The following KDM6A variants were observed in gnomAD, a reference collection of about 807,000 sequenced individuals.
KDM6A encodes the protein lysine demethylase 6A, also known as lysine-specific demethylase 6A.
Under a neutral mutation model 117.6 loss-of-function variants are expected in KDM6A, and 11 were observed. The ratio of observed to expected loss-of-function variants is 0.09; its 90% CI spans 0.06 to 0.15. The LOEUF (loss-of-function observed/expected upper bound fraction) is 0.15, where lower values mean the gene tolerates loss of function less well. Ranked by LOEUF, KDM6A falls within the 10% of genes least tolerant of loss-of-function variation. The pLI, the probability that KDM6A is intolerant of heterozygous loss-of-function variation, is 1.00. For synonymous variants in KDM6A, 384 were observed against 396.1 expected (o/e 0.97, Z 0.36); for missense variants, 799 against 1,077.3 (o/e 0.74, Z 3.62).
At chrX:45,075,039 C>T (rs1236310383) in intron 18 of KDM6A, among the ~76,000 whole-genome samples, 1 of 111,498 alleles carries the variant, frequency 9.0e-6, no homozygotes, top group African/African-American at 3.3e-5. Flanking sequence ...ATACATGGTT[C>T]ATATACTTCA....
At chrX:44,879,517 C>T (rs2032042022) in intron 2 of KDM6A, among the ~76,000 whole-genome samples, 1 of 112,208 alleles carries the variant, frequency 8.9e-6, no homozygotes, top group Admixed American at 9.5e-5. Context: ...TATCAGTTTT[C>T]CACATTGGTT....
rs2046791906 is a variant in KDM6A at position 45,112,395 on chromosome X, A to G, written c.*984A>G. The stretch of plus-strand genomic sequence containing the variant: ...TAGAAATCTGGATATATATGTATAA[A>G]TCTTTAGAACTTAAATTTTTCTCGT... On this transcript the variant is annotated 3_prime_UTR_variant, in exon 30 of 30. Transcript: ENST00000611820. The G allele has an allele frequency of 1.5e-5, 2 of 132,379 alleles. No individual in the cohort carries two copies. Among genetic ancestry groups the G allele is most frequent in the South Asian group, 3.5e-4 (1 of 2,849 alleles). The allele number at this position is 132,379 out of a possible 1,213,427, so 10.9% of individuals were successfully genotyped here.
chrX:44,925,499 C>T (rs182227293), intron 2 of KDM6A, among the ~76,000 whole-genome samples: 48 of 111,647 alleles, frequency 4.3e-4, no homozygotes, highest in African/African-American at 1.5e-3. Flanking sequence ...AAGCAGAAAG[C>T]CTTGATAAAT....
At chrX:45,063,931 T>G in intron 17 of KDM6A, 114 bp downstream of exon 17, 1 of 714,109 alleles carries the variant, frequency 1.4e-6, no homozygotes, top group African/African-American at 2.1e-5. Context: ...TATAAGAATT[T>G]TGTGGCACTA....
At chrX:45,075,580 G>GA (rs781172352) in intron 18 of KDM6A, among the ~76,000 whole-genome samples, 2 of 111,232 alleles carry the variant, frequency 1.8e-5, no homozygotes, top group East Asian at 5.6e-4. Context: ...AGTTGTAGTT[G>GA]AAAAAATTAA....
rs1007509134 is a variant in KDM6A at position 44,873,598 on chromosome X, C to T, written c.47C>T (p.Ala16Val). Reference protein sequence around the residue: ...VSLATAAAAAAAFGDEEKKMA... With the variant: ...VSLATAAAAAVAFGDEEKKMA... Reference sequence around the variant, plus strand: ...CTCGCTACCGCCGCCGCTGCCGCCGCCGCTTTCGGTGATGAGGAAAAGAAA... The same window carrying T: ...CTCGCTACCGCCGCCGCTGCCGCCGTCGCTTTCGGTGATGAGGAAAAGAAA... The change falls in exon 1 of 30, where the codon GCC becomes GTC. Residue 16 changes from alanine to valine, a missense_variant. Physicochemically the swap from Ala to Val is moderately conservative, Grantham distance 64 (BLOSUM62 0). This residue lies in a region of KDM6A where 89 missense variants were observed against 117.8 expected (regional missense o/e 0.76). Transcript: ENST00000611820. 2.5e-6 allele frequency: 3 copies of T among 1,206,217 alleles called. No individual in the cohort carries two copies. Among genetic ancestry groups the T allele is most frequent in the Non-Finnish European group, 3.4e-6 (3 of 893,402 alleles).
rs376857299 is a variant in KDM6A at position 45,049,355 on chromosome X, C to A, written c.655-2354C>A. ...CTTTTTGAGTCAGATCTTTACTCTT[C>A]CTTATGATTTGTGTTTTTTTGGTCA... On this transcript the variant is annotated intron_variant, in intron 8 of 29. Transcript: ENST00000611820. Among the ~76,000 whole-genome samples, 27 of 111,852 alleles carry A rather than the reference C, an allele frequency of 2.4e-4. No individual in the cohort carries two copies. In the East Asian group the frequency reaches 7.0e-3, roughly 29 times the overall value.
chrX:44,961,991 A>G (rs921587752), intron 3 of KDM6A, among the ~76,000 whole-genome samples: 2 of 111,845 alleles, frequency 1.8e-5, no homozygotes, highest in Admixed American at 9.5e-5. Context: ...GGAAGTTAAA[A>G]GCACCCGGAA....
chrX:45,094,800 T>G (rs992905975), intron 27 of KDM6A, among the ~76,000 whole-genome samples: 1 of 111,843 alleles, frequency 8.9e-6, no homozygotes, highest in Non-Finnish European at 1.9e-5. Context: ...TTGCGTGAGC[T>G]TAAATGTATA....
intron 6 of KDM6A, among the ~76,000 whole-genome samples, chrX:45,029,327 C>T (rs1023917186): frequency 8.1e-5 from 9 of 110,492 alleles, no homozygotes; most frequent in African/African-American, 2.0e-4. Context: ...CCCAGCTACT[C>T]GGGAGGCTGA....
At chrX:45,077,608 A>C (rs1409463602) in intron 19 of KDM6A, among the ~76,000 whole-genome samples, 1 of 110,773 alleles carries the variant, frequency 9.0e-6, no homozygotes, top group Admixed American at 9.6e-5. Flanking sequence ...CTTACTATGT[A>C]AGGGAAGCAC....
chrX:45,060,862 T>C (rs2044259603), intron 14 of KDM6A, 98 bp downstream of exon 14: 1 of 509,070 alleles, frequency 2.0e-6, no homozygotes, highest in African/African-American at 2.5e-5. Flanking sequence ...TTATTTTAAA[T>C]TTGTGGACAT....
At chrX:45,111,147 T>C (rs2046752363) in intron 29 of KDM6A, among the ~76,000 whole-genome samples, 1 of 111,356 alleles carries the variant, frequency 9.0e-6, no homozygotes, top group African/African-American at 3.3e-5. Context: ...TTTTGACTAA[T>C]TGGTGAAGAA....
chrX:44,898,582 G>A (rs1168847497), intron 2 of KDM6A, among the ~76,000 whole-genome samples: 3 of 111,349 alleles, frequency 2.7e-5, no homozygotes, highest in African/African-American at 6.5e-5. Flanking sequence ...ACTGCTTCAC[G>A]CAGCTTTATT....
chrX:45,006,987 G>T (rs920919758), intron 4 of KDM6A, among the ~76,000 whole-genome samples: 1 of 111,258 alleles, frequency 9.0e-6, no homozygotes, highest in African/African-American at 3.3e-5. Flanking sequence ...GTGAAACTTG[G>T]CTTTACCAGT....
At chrX:44,987,351 C>G (rs1346756760) in intron 4 of KDM6A, among the ~76,000 whole-genome samples, 3 of 111,491 alleles carry the variant, frequency 2.7e-5, no homozygotes, top group African/African-American at 9.8e-5. Flanking sequence ...TGGGTCTTGA[C>G]TCTTTATCCA....
At chrX:44,893,644 G>GGACT in intron 2 of KDM6A, among the ~76,000 whole-genome samples, 1 of 109,032 alleles carries the variant, frequency 9.2e-6, no homozygotes, top group South Asian at 4.0e-4. Context: ...TGAGTAGCTG[G>GGACT]GACTACAGGT....
At chrX:44,963,769 G>A (rs1464135439) in intron 3 of KDM6A, among the ~76,000 whole-genome samples, 1 of 110,256 alleles carries the variant, frequency 9.1e-6, no homozygotes, top group Non-Finnish European at 1.9e-5. Flanking sequence ...GCCTAGGCTG[G>A]AGTGCAGTGG....
At chrX:45,110,822 G>A (rs1230278401) in intron 29 of KDM6A, among the ~76,000 whole-genome samples, 3 of 111,667 alleles carry the variant, frequency 2.7e-5, no homozygotes, top group Non-Finnish European at 3.8e-5. Flanking sequence ...TACTTTCGCA[G>A]ATCAATAGCT....
Sources: allele counts gnomAD v4.1 joint callset (sites outside exome capture counted in the v4.1 genomes callset), GRCh38; gene constraint gnomAD v4.1.1; regional missense constraint gnomAD v4.1.1; transcripts MANE v1.5; gene names NCBI Gene and HGNC (gene_info 2026-07-23, HGNC 2026-07-21).